Variants in WDR41 observed in about 807,000 individuals in gnomAD.
WDR41 encodes the protein WD repeat-containing protein 41.
A neutral mutation model predicts 69.3 loss-of-function variants in WDR41; 63 were observed. The ratio of observed to expected loss-of-function variants is 0.91; its 90% CI spans 0.74 to 1.12. The LOEUF is 1.12. Ranked by LOEUF, WDR41 falls within the 50% of genes most tolerant of loss-of-function variation. The probability of loss-of-function intolerance (pLI) is 0.00; values close to 1 mark genes in which losing one functional copy is unlikely to be tolerated. For missense variants in WDR41, 543 were observed against 534.5 expected, an observed-to-expected ratio of 1.02 and a Z score of -0.16; for synonymous variants, 185 against 192.1, an observed-to-expected ratio of 0.96 and a Z score of 0.31.
intron 1 of WDR41, among the ~76,000 whole-genome samples, chr5:77,604,304 T>C (rs1402411086): frequency 6.6e-6 from 1 of 152,200 alleles, no homozygotes; most frequent in Non-Finnish European, 1.5e-5. Context: ...TTGGTTAAAT[T>C]TATTCCTGCC....
chr5:77,547,621 A>C (rs1743222859), intron 1 of WDR41, among the ~76,000 whole-genome samples: 1 of 148,188 alleles, frequency 6.7e-6, no homozygotes, highest in African/African-American at 2.6e-5. Flanking sequence ...CACTGCTGAA[A>C]GAAAACATAG....
chr5:77,506,846 T>C (rs951762804), intron 1 of WDR41, among the ~76,000 whole-genome samples: 2 of 151,914 alleles, frequency 1.3e-5, no homozygotes, highest in African/African-American at 4.8e-5. Flanking sequence ...ATGAGAACAC[T>C]TGGACACAGG....
chr5:77,550,061 C>T (rs1322019045), intron 1 of WDR41, among the ~76,000 whole-genome samples: 3 of 151,992 alleles, frequency 2.0e-5, no homozygotes, highest in African/African-American at 7.2e-5. Flanking sequence ...AAAAAAAGGA[C>T]CTCGACATTT....
At chr5:77,459,157 G>A in intron 4 of WDR41, 33 bp from the exon 5 acceptor site, 1 of 1,461,978 alleles carries the variant, frequency 6.8e-7, no homozygotes, top group South Asian at 1.2e-5. Flanking sequence ...TTTCTAAACA[G>A]AATTTTAAAA....
chr5:77,480,834 A>G (rs570098191), intron 2 of WDR41, among the ~76,000 whole-genome samples: 1 of 152,132 alleles, frequency 6.6e-6, no homozygotes, highest in Non-Finnish European at 1.5e-5. Flanking sequence ...TTAAAAAAAA[A>G]AAAAAAGATT....
chr5:77,589,928 A>ATAT (rs918747554), intron 1 of WDR41, among the ~76,000 whole-genome samples: 3 of 152,140 alleles, frequency 2.0e-5, no homozygotes, highest in African/African-American at 7.2e-5. Context: ...CAATAATTCA[A>ATAT]TATTATGTTT....
chr5:77,445,507 TCG>T (rs1244759277), intron 8 of WDR41, among the ~76,000 whole-genome samples: 1 of 152,164 alleles, frequency 6.6e-6, no homozygotes, highest in Non-Finnish European at 1.5e-5. Context: ...CTTATGAACA[TCG>T]ATGCGAAAAT....
intron 1 of WDR41, among the ~76,000 whole-genome samples, chr5:77,576,509 C>G (rs1743835343): frequency 6.6e-6 from 1 of 152,162 alleles, no homozygotes; most frequent in South Asian, 2.1e-4. Flanking sequence ...ATAAGCCACT[C>G]TCTCTTTAAA....
intron 1 of WDR41, among the ~76,000 whole-genome samples, chr5:77,537,598 G>A (rs991982918): frequency 6.6e-6 from 1 of 152,162 alleles, no homozygotes; most frequent in Non-Finnish European, 1.5e-5. Flanking sequence ...GGCTTGTTGT[G>A]TGAGAGTTTG....
chr5:77,602,359 C>T (rs1181960747), intron 1 of WDR41, among the ~76,000 whole-genome samples: 4 of 152,118 alleles, frequency 2.6e-5, no homozygotes, highest in African/African-American at 9.7e-5. Context: ...AGGCTGGTCT[C>T]GAACTCCCAA....
intron 4 of WDR41, among the ~76,000 whole-genome samples, chr5:77,461,681 CA>C (rs1266526469): frequency 2.0e-5 from 3 of 151,882 alleles, no homozygotes; most frequent in Non-Finnish European, 2.9e-5. Flanking sequence ...ACTAAAAATA[CA>C]AAAAAATTAG....
At chr5:77,449,491 C>A (rs1398710917) in intron 8 of WDR41, among the ~76,000 whole-genome samples, 5 of 152,188 alleles carry the variant, frequency 3.3e-5, no homozygotes. Flanking sequence ...TGACAGTCAT[C>A]CCACAGCTAC....
At chr5:77,439,495 T>C (rs908407182) in intron 9 of WDR41, among the ~76,000 whole-genome samples, 3 of 152,244 alleles carry the variant, frequency 2.0e-5, no homozygotes, top group Non-Finnish European at 4.4e-5. Flanking sequence ...CTGTGGATTG[T>C]ATTCAATGCC....
rs73765349 is a variant in WDR41, at chr5:77,522,746, G to T, written c.43-33174C>A. ...ATAAGTCACGAGTTCTCCAAAGGGG[G>T]CAACTATAAAAATTAAATGCTAGAA... is the stretch of plus-strand genomic sequence containing the variant. On this transcript the variant is annotated intron_variant, in intron 1 of 5. Coordinates refer to the WDR41 transcript ENST00000509971. Among the ~76,000 whole-genome samples, 1,519 of 152,066 alleles carry T rather than the reference G, an allele frequency of 1.0e-2. 26 individuals are homozygous for T. The highest frequency in any genetic ancestry group is 0.034 in the African/African-American group (1,419 of 41,454).
chr5:77,580,079 T>C (rs540426562), intron 1 of WDR41, among the ~76,000 whole-genome samples: 79 of 148,366 alleles, frequency 5.3e-4, no homozygotes, highest in Admixed American at 1.1e-3. Flanking sequence ...CATTGATAGA[T>C]AGATAGATTA....
chr5:77,524,514 C>T (rs972370164), intron 1 of WDR41, among the ~76,000 whole-genome samples: 1 of 152,120 alleles, frequency 6.6e-6, no homozygotes, highest in African/African-American at 2.4e-5. Context: ...ATCGCTTGAG[C>T]CCAAGAATTT....
chr5:77,556,475 T>A (rs750634703), intron 1 of WDR41, among the ~76,000 whole-genome samples: 38 of 152,194 alleles, frequency 2.5e-4, no homozygotes, highest in Middle Eastern at 3.4e-3. Context: ...TGGCATGATG[T>A]CGGCTCATTG....
intron 1 of WDR41, among the ~76,000 whole-genome samples, chr5:77,514,281 A>G (rs1332998423): frequency 6.6e-6 from 1 of 152,166 alleles, no homozygotes; most frequent in Non-Finnish European, 1.5e-5. Context: ...CAGTTACAAT[A>G]GCCTAGACAT....
intron 1 of WDR41, among the ~76,000 whole-genome samples, chr5:77,551,501 A>G (rs1484171920): frequency 2.0e-5 from 3 of 147,594 alleles, no homozygotes; most frequent in Non-Finnish European, 2.9e-5. Flanking sequence ...AACATAGCGA[A>G]ACCCTGTCGC....
Sources: allele counts gnomAD v4.1 joint callset (sites outside exome capture counted in the v4.1 genomes callset), GRCh38; gene constraint gnomAD v4.1.1; transcripts MANE v1.5; gene names NCBI Gene and HGNC (gene_info 2026-07-23, HGNC 2026-07-21).